The following MRC2 variants were observed in gnomAD, a reference collection of about 807,000 sequenced individuals.
The protein encoded by MRC2 is C-type mannose receptor 2.
In MRC2, 84 loss-of-function variants were observed where a neutral mutation model predicts 206.2. The ratio of observed to expected loss-of-function variants is 0.41; its 90% CI spans 0.34 to 0.49. The LOEUF is 0.49. MRC2 is among the 20% of genes least tolerant of loss of function. The pLI is 0.31. For synonymous variants in MRC2, 798 were observed against 800.0 expected (o/e 1.00, Z 0.04); for missense variants, 1,676 against 2,001.5 (o/e 0.84, Z 3.10).
intron 1 of MRC2, among the ~76,000 whole-genome samples, chr17:62,660,354 A>G (rs945478579): frequency 6.6e-6 from 1 of 152,180 alleles, no homozygotes; most frequent in African/African-American, 2.4e-5. Context: ...AATTCCTTCT[A>G]CAGATTCTCC....
chr17:62,662,905 G>A (rs770377882), intron 1 of MRC2, among the ~76,000 whole-genome samples: 7 of 152,040 alleles, frequency 4.6e-5, no homozygotes, highest in South Asian at 2.1e-4. Context: ...GCAATAGTCC[G>A]TCTCAAAAAA....
intron 6 of MRC2, among the ~76,000 whole-genome samples, chr17:62,670,682 G>T (rs1057362612): frequency 6.6e-6 from 1 of 152,362 alleles, no homozygotes. Flanking sequence ...CCTGGGACGG[G>T]TGGATTTCTC....
intron 1 of MRC2, among the ~76,000 whole-genome samples, chr17:62,659,022 C>G (rs886647485): frequency 1.3e-5 from 2 of 152,272 alleles, no homozygotes; most frequent in Admixed American, 6.5e-5. Context: ...GCTTTGGAGG[C>G]TGAGAAGTCT....
At position 62,675,627 on chromosome 17, in the gene MRC2, G is replaced by C. The variant is rs2088881684; in HGVS notation, c.1570-163G>C. Among the ~76,000 whole-genome samples, 2 of 152,186 alleles carry C rather than the reference G, an allele frequency of 1.3e-5. No individual in the cohort carries two copies. Among genetic ancestry groups the C allele is most frequent in the African/African-American group, 4.8e-5 (2 of 41,424 alleles). ...TGGGTGATGGTGGAGGGGGAATGTGGAGAAACGAGGTGCAGAACACAGCCC... is the reference window on the plus strand; with the variant it reads ...TGGGTGATGGTGGAGGGGGAATGTGCAGAAACGAGGTGCAGAACACAGCCC... On this transcript the variant is annotated intron_variant, in intron 9 of 29. Coordinates refer to ENST00000303375, the MANE Select transcript of MRC2 (RefSeq NM_006039.5). This position sits in a 1 kb window ranked among gnomAD's most constrained non-coding sequence, Gnocchi z 4.1.
In MRC2 at chr17:62,672,287, C is replaced by T; in HGVS notation, c.1461+135C>T. The stretch of plus-strand genomic sequence containing the variant: ...TTACCTCTCAGCAGTCCCCCTCCTC[C>T]CCACCAATGCCTTCCCTTCCATGTG... On this transcript the variant is annotated intron_variant, in intron 8 of 29. Coordinates refer to ENST00000303375, the MANE Select transcript of MRC2 (RefSeq NM_006039.5). The surrounding 1 kb of genome is among the most constrained non-coding windows in gnomAD (Gnocchi z 4.5). The T allele has an allele frequency of 2.0e-6, 2 of 978,738 alleles. No homozygotes were observed. Among genetic ancestry groups the T allele is most frequent in the Non-Finnish European group, 3.1e-6 (2 of 655,310 alleles). The allele number at this position is 978,738 out of a possible 1,614,324, so 60.6% of individuals were successfully genotyped here.
chr17:62,675,014 G>A lies in MRC2; in HGVS notation c.1570-776G>A, dbSNP rs1290312396. Among the ~76,000 whole-genome samples, 1 of 152,202 alleles carries A rather than the reference G, an allele frequency of 6.6e-6. No homozygotes were observed. Among genetic ancestry groups the A allele is most frequent in the Non-Finnish European group, 1.5e-5 (1 of 68,022 alleles). On this transcript the variant is annotated intron_variant, in intron 9 of 29. Transcript: ENST00000303375. The surrounding 1 kb of genome is among the most constrained non-coding windows in gnomAD (Gnocchi z 4.1). ...CAGGCATGGCCCCATGGGCGAGGAAGCAGAGGGGAGAGCAGAGCCCAGCTG... is the reference window on the plus strand; with the variant it reads ...CAGGCATGGCCCCATGGGCGAGGAAACAGAGGGGAGAGCAGAGCCCAGCTG...
intron 12 of MRC2, 86 bp from the exon 13 acceptor site, chr17:62,678,418 C>T (rs2088920154): frequency 6.5e-7 from 1 of 1,536,552 alleles, no homozygotes; most frequent in Non-Finnish European, 8.7e-7. Context: ...CAGGCCCCTC[C>T]TCTGCCATGG....
rs73992029 is a variant in MRC2 at position 62,660,864 on chromosome 17, T to C, written c.119-3684T>C. Among the ~76,000 whole-genome samples the C allele has an allele frequency of 5.9e-3, 892 of 152,216 alleles. 9 individuals are homozygous for C. The highest frequency in any genetic ancestry group is 0.02 in the African/African-American group (846 of 41,528). ...TTTGCAGATAGTAGGCAGCAGGAGA[T>C]GACCCATAATCAAAAGAAAAAACAG... On this transcript the variant is annotated intron_variant, in intron 1 of 29. Transcript: ENST00000303375.
intron 1 of MRC2, among the ~76,000 whole-genome samples, chr17:62,631,196 C>G (rs1233533874): frequency 1.3e-5 from 2 of 152,112 alleles, no homozygotes; most frequent in Non-Finnish European, 2.9e-5. Flanking sequence ...GTTTAAGCAT[C>G]GAGGAGGAGT....
chr17:62,638,219 C>G (rs1320720779), intron 1 of MRC2, among the ~76,000 whole-genome samples: 1 of 151,924 alleles, frequency 6.6e-6, no homozygotes, highest in Non-Finnish European at 1.5e-5. Flanking sequence ...GACAAGTGTT[C>G]CAAAGAATTT....
In MRC2 at chr17:62,664,588, C is replaced by T; in HGVS notation, c.159C>T (p.Gly53=). The T allele has an allele frequency of 6.2e-7, 1 of 1,613,400 alleles. No individual in the cohort carries two copies. The highest frequency in any genetic ancestry group is 2.2e-5 in the East Asian group (1 of 44,876). Residue 53 remains glycine, a synonymous_variant, in exon 2 of 30, where the codon GGC becomes GGT. Coordinates refer to ENST00000303375, the MANE Select transcript of MRC2 (RefSeq NM_006039.5). The surrounding 1 kb of genome is among the most constrained non-coding windows in gnomAD (Gnocchi z 4.7). ...TCATCTTCAGCCATGGACTGCAGGG[C>T]TGCCTGGAGGCCCAGGGCGGGCAGG... ...VFLIFSHGLQ[G]CLEAQGGQVR...
Position 62,672,357 on chromosome 17 carries a change from G to A in MRC2, c.1461+205G>A, listed in dbSNP as rs1414038225. Among the ~76,000 whole-genome samples, 1 of 152,080 alleles carries A rather than the reference G, an allele frequency of 6.6e-6. No homozygotes were observed. Among genetic ancestry groups the A allele is most frequent in the African/African-American group, 2.4e-5 (1 of 41,406 alleles). ...ATCCTACCTCCACCTCCACCTCCAA[G>A]TAGCCAAGTCACCTTGGGCAAGTTA... On this transcript the variant is annotated intron_variant, in intron 8 of 29. Coordinates refer to ENST00000303375, the MANE Select transcript of MRC2 (RefSeq NM_006039.5). This position sits in a 1 kb window ranked among gnomAD's most constrained non-coding sequence, Gnocchi z 4.5.
intron 1 of MRC2, among the ~76,000 whole-genome samples, chr17:62,642,184 T>C (rs917735441): frequency 1.3e-5 from 2 of 152,222 alleles, no homozygotes; most frequent in African/African-American, 2.4e-5. Flanking sequence ...TCTCCTTTAA[T>C]CTAGAATAGT....
intron 1 of MRC2, among the ~76,000 whole-genome samples, chr17:62,636,764 C>T (rs1258541887): frequency 6.6e-6 from 1 of 152,128 alleles, no homozygotes; most frequent in Non-Finnish European, 1.5e-5. Context: ...AGTCACAGCA[C>T]CTGGCCTGTC....
chr17:62,690,089 G>A (rs372158522), intron 25 of MRC2, 27 bp downstream of exon 25: 4 of 1,583,550 alleles, frequency 2.5e-6, no homozygotes, highest in South Asian at 1.2e-5. Context: ...CAGGGCGGGG[G>A]CATGGGCAAG....
intron 1 of MRC2, among the ~76,000 whole-genome samples, chr17:62,639,961 C>T (rs1039622523): frequency 6.7e-6 from 1 of 149,172 alleles, no homozygotes; most frequent in Non-Finnish European, 1.5e-5. Context: ...TGAAGCAATT[C>T]TTCTGCCTCA....
chr17:62,631,954 G>C (rs2084219410), intron 1 of MRC2, among the ~76,000 whole-genome samples: 1 of 152,124 alleles, frequency 6.6e-6, no homozygotes, highest in Non-Finnish European at 1.5e-5. Flanking sequence ...TCTCCAGTGG[G>C]GGTCCCTGGA....
At chr17:62,641,420 C>T (rs1047816338) in intron 1 of MRC2, among the ~76,000 whole-genome samples, 1 of 151,850 alleles carries the variant, frequency 6.6e-6, no homozygotes, top group Non-Finnish European at 1.5e-5. Flanking sequence ...GTGGGGAGAA[C>T]GACTCCCAGA....
At chr17:62,657,454 C>A (rs370856094) in intron 1 of MRC2, among the ~76,000 whole-genome samples, 2 of 152,216 alleles carry the variant, frequency 1.3e-5, no homozygotes, top group Admixed American at 6.5e-5. Flanking sequence ...ACATATTGAG[C>A]CACAGCTTGA....
Sources: allele counts gnomAD v4.1 joint callset (sites outside exome capture counted in the v4.1 genomes callset), GRCh38; gene constraint gnomAD v4.1.1; non-coding constraint Gnocchi (gnomAD v3.1); transcripts MANE v1.5; gene names NCBI Gene and HGNC (gene_info 2026-07-23, HGNC 2026-07-21).